DYSF: variants seen among roughly 807,000 people sequenced by gnomAD.
DYSF encodes the protein dystrophy-associated fer-1-like 1.
Under a neutral mutation model 274.9 loss-of-function variants are expected in DYSF, and 212 were observed. That is an observed-to-expected ratio of 0.77 (90% CI 0.69 to 0.86). The LOEUF (loss-of-function observed/expected upper bound fraction) is 0.86, where lower values mean the gene tolerates loss of function less well. DYSF is among the 40% of genes least tolerant of loss of function. DYSF has a pLI of 0.00. For synonymous variants in DYSF, 1,091 were observed against 1,078.7 expected (o/e 1.01, Z -0.22); for missense variants, 2,666 against 2,783.2 (o/e 0.96, Z 0.95).
intron 41 of DYSF, among the ~76,000 whole-genome samples, chr2:71,628,715 C>G (rs903562427): frequency 1.1e-4 from 16 of 152,084 alleles, no homozygotes; most frequent in Admixed American, 6.5e-4. Flanking sequence ...CTTTGGGAGG[C>G]TGGGGCAGGC....
intron 54 of DYSF, among the ~76,000 whole-genome samples, chr2:71,681,623 G>A (rs551389798): frequency 8.5e-5 from 13 of 152,288 alleles, no homozygotes; most frequent in Non-Finnish European, 1.9e-4. Flanking sequence ...TTTTCCATCT[G>A]TGAAATGGGG....
chr2:71,513,870 A>C lies in DYSF; in HGVS notation c.708A>C (p.Arg236=). ...PPHYPGIKRK[R]SAPTSRKLLS... is the part of the protein sequence containing the mutation. Reference sequence around the variant, plus strand: ...ACTACCCCGGGATCAAAAGAAAGCGAAGTGCGCCTACATCTAGAAAGCTGC... The same window carrying C: ...ACTACCCCGGGATCAAAAGAAAGCGCAGTGCGCCTACATCTAGAAAGCTGC... Residue 236 remains arginine (R), a synonymous_variant, in exon 7 of 56, where the codon CGA becomes CGC. Transcript: ENST00000410020. 6.2e-7 allele frequency: 1 copy of C among 1,614,204 alleles called. No individual in the cohort carries two copies. Among genetic ancestry groups the C allele is most frequent in the Non-Finnish European group, 8.5e-7 (1 of 1,180,028 alleles).
chr2:71,470,298 A>G (rs746080290), intron 1 of DYSF, among the ~76,000 whole-genome samples: 10 of 151,318 alleles, frequency 6.6e-5, no homozygotes, highest in Admixed American at 2.6e-4. Context: ...AACACTCTTA[A>G]CTCACCTATG....
chr2:71,607,543 T>C (rs2093668546), intron 36 of DYSF, among the ~76,000 whole-genome samples: 1 of 152,158 alleles, frequency 6.6e-6, no homozygotes, highest in South Asian at 2.1e-4. Context: ...CTGCAGATTG[T>C]AGAACGCGTG....
At chr2:71,453,733 G>T in exon 1 of DYSF, 1 of 541,192 alleles carries the variant, frequency 1.8e-6, no homozygotes, top group Non-Finnish European at 3.3e-6. Context: ...GGTGGAAGAT[G>T]AGCAGAAGCC....
intron 3 of DYSF, among the ~76,000 whole-genome samples, chr2:71,488,491 G>A (rs1247389161): frequency 1.1e-4 from 17 of 152,108 alleles, no homozygotes; most frequent in African/African-American, 4.1e-4. Flanking sequence ...CAAGACAGGG[G>A]GCCCAGATGC....
intron 30 of DYSF, 105 bp downstream of exon 30, chr2:71,574,476 T>C (rs2092633712): frequency 1.4e-6 from 2 of 1,406,648 alleles, no homozygotes; most frequent in Non-Finnish European, 1.9e-6. Context: ...GTTAGGACTT[T>C]TGGATGGAAC....
At chr2:71,462,833 A>C (rs2081339267), upstream of DYSF, among the ~76,000 whole-genome samples, 1 of 152,210 alleles carries the variant, frequency 6.6e-6, no homozygotes, top group African/African-American at 2.4e-5. Flanking sequence ...TGGTAGTCCC[A>C]ACATCTGTCT....
At chr2:71,554,668 C>T (rs148644476) in intron 21 of DYSF, among the ~76,000 whole-genome samples, 25 of 152,218 alleles carry the variant, frequency 1.6e-4, no homozygotes, top group Admixed American at 2.6e-4. Context: ...GGATTTGGGG[C>T]TGAGGAAGGG....
chr2:71,526,415 C>CGGGGGGGGGGGGGG, intron 13 of DYSF, 69 bp downstream of exon 13: 1 of 411,246 alleles, frequency 2.4e-6, no homozygotes. Context: ...TGGGGGTGGG[C>CGGGGGGGGGGGGGG]GATGGCGGGC....
At chr2:71,613,522 C>A in intron 40 of DYSF, 112 bp downstream of exon 40, 1 of 963,162 alleles carries the variant, frequency 1.0e-6, no homozygotes, top group Non-Finnish European at 1.6e-6. Context: ...ATACACATCC[C>A]CTTCTGGGCT....
At chr2:71,506,507 C>T (rs1459544770) in intron 4 of DYSF, among the ~76,000 whole-genome samples, 1 of 152,294 alleles carries the variant, frequency 6.6e-6, no homozygotes, top group East Asian at 1.9e-4. Flanking sequence ...GACTGAGGAC[C>T]TGGGCTGTCA....
At position 71,612,636 on chromosome 2, in the gene DYSF, C is replaced by T; in HGVS notation, c.4222-5C>T. On this transcript the variant is annotated splice_region_variant and splice_polypyrimidine_tract_variant and intron_variant, in intron 38 of 55. Transcript: ENST00000410020. The stretch of plus-strand genomic sequence containing the variant: ...AGGCCAGTGCGTTCTTCCTCCTCCA[C>T]CCAGATGCTGCCCAGGGAGGAGCTC... 1 of 1,613,910 alleles carries T rather than the reference C, an allele frequency of 6.2e-7. No individual in the cohort carries two copies. Among genetic ancestry groups the T allele is most frequent in the Non-Finnish European group, 8.5e-7 (1 of 1,179,858 alleles).
chr2:71,620,401 A>T, intron 40 of DYSF, 146 bp from the exon 41 acceptor site: 1 of 841,458 alleles, frequency 1.2e-6, no homozygotes, highest in Non-Finnish European at 2.0e-6. Flanking sequence ...TGTTGGAGCC[A>T]GGCTTGTCCA....
At chr2:71,521,019 T>C (rs2087210895) in intron 12 of DYSF, 115 bp downstream of exon 12, 1 of 798,804 alleles carries the variant, frequency 1.3e-6, no homozygotes, top group African/African-American at 1.7e-5. Flanking sequence ...TAATATGTGG[T>C]AATTAATGAG....
At chr2:71,468,632 T>C (rs2081724490) in intron 1 of DYSF, among the ~76,000 whole-genome samples, 1 of 152,200 alleles carries the variant, frequency 6.6e-6, no homozygotes. Context: ...TACCATACAA[T>C]AGAATGTAAC....
chr2:71,667,649 C>A, intron 48 of DYSF, 134 bp downstream of exon 48: 2 of 1,383,150 alleles, frequency 1.4e-6, no homozygotes, highest in Non-Finnish European at 2.0e-6. Flanking sequence ...CATTTCTTCA[C>A]AGTCTGAGTG....
At chr2:71,529,000 C>T (rs2088321610) in intron 14 of DYSF, among the ~76,000 whole-genome samples, 1 of 152,128 alleles carries the variant, frequency 6.6e-6, no homozygotes. Flanking sequence ...AGGCTTCAGC[C>T]ATCACCTCTC....
chr2:71,482,581 C>G (rs1349018194), intron 3 of DYSF, among the ~76,000 whole-genome samples: 1 of 151,970 alleles, frequency 6.6e-6, no homozygotes, highest in African/African-American at 2.4e-5. Flanking sequence ...AAAGCAGGCT[C>G]CCCCTAGGCA....
Sources: gnomAD v4.1 joint callset for allele counts (sites outside exome capture counted in the v4.1 genomes callset) on GRCh38, gnomAD v4.1.1 for gene constraint, MANE v1.5 for transcripts, NCBI Gene and HGNC (gene_info 2026-07-23, HGNC 2026-07-21) for gene names.